RBM33: variants seen among roughly 807,000 people sequenced by gnomAD.
RBM33 encodes the protein RNA-binding protein 33.
In RBM33, 28 loss-of-function variants were observed where a neutral mutation model predicts 132.6. That is an observed-to-expected ratio of 0.21 (90% CI 0.16 to 0.29). RBM33 has a LOEUF of 0.29. RBM33 is among the 10% of genes least tolerant of loss of function. The pLI, the probability that RBM33 is intolerant of heterozygous loss-of-function variation, is 1.00. For missense variants in RBM33, 1,291 were observed against 1,518.5 expected, an observed-to-expected ratio of 0.85 and a Z score of 2.49; for synonymous variants, 634 against 593.0, an observed-to-expected ratio of 1.07 and a Z score of -1.01.
chr7:155,711,946 A>G (rs1030571496), intron 8 of RBM33, among the ~76,000 whole-genome samples: 1 of 152,248 alleles, frequency 6.6e-6, no homozygotes, highest in Non-Finnish European at 1.5e-5. Flanking sequence ...TCAAATTTGT[A>G]AGATTGAGTT....
chr7:155,760,080 TACTTA>T (rs1397351904), intron 14 of RBM33, among the ~76,000 whole-genome samples: 5 of 152,254 alleles, frequency 3.3e-5, no homozygotes, highest in East Asian at 3.8e-4. Context: ...CATTCAGAAC[TACTTA>T]ACTTTAAAAA....
intron 14 of RBM33, among the ~76,000 whole-genome samples, chr7:155,763,500 G>T (rs1423683704): frequency 6.6e-6 from 1 of 152,254 alleles, no homozygotes; most frequent in African/African-American, 2.4e-5. Flanking sequence ...TGTTGGATAT[G>T]AAGTATTTTG....
chr7:155,715,887 T>A (rs1800446292), intron 8 of RBM33, among the ~76,000 whole-genome samples: 1 of 152,220 alleles, frequency 6.6e-6, no homozygotes, highest in Non-Finnish European at 1.5e-5. Context: ...AAGGTGCTTT[T>A]TAAAAAAGCT....
chr7:155,773,568 CAAAAAAAAAAAAAAAAAAA>C (rs201127157), intron 16 of RBM33, among the ~76,000 whole-genome samples: 1 of 50,458 alleles, frequency 2.0e-5, no homozygotes, highest in Admixed American at 2.6e-4. Context: ...ACTCCATCTC[CAAAAAAAAAAAAAAAAAAA>C]AAAAAAAAGG....
At chr7:155,661,097 G>GGTGTGT (rs59345780) in intron 1 of RBM33, among the ~76,000 whole-genome samples, 7 of 110,152 alleles carry the variant, frequency 6.4e-5, no homozygotes, top group East Asian at 2.5e-4. Flanking sequence ...GTGTGTGTGT[G>GGTGTGT]GTGTGTGTGT....
chr7:155,738,078 T>G lies in RBM33; in HGVS notation c.1412T>G (p.Phe471Cys). 6.2e-7 allele frequency: 1 copy of G among 1,613,142 alleles called. No individual in the cohort carries two copies. The highest frequency in any genetic ancestry group is 8.5e-7 in the Non-Finnish European group (1 of 1,179,320). The change falls in exon 11 of 18, where the codon TTC (phenylalanine) becomes TGC (cysteine). Residue 471 changes from phenylalanine (F) to cysteine (C), a missense_variant. Phe to Cys is a radical substitution (Grantham distance 205). Around this residue, in one of 7 missense-constraint regions of RBM33, gnomAD observed 841 missense variants for 912.0 expected, o/e 0.92. Coordinates refer to ENST00000401878, the MANE Select transcript of RBM33 (RefSeq NM_053043.3). ...CTTTCAGTTTCAGGTGAACCAAGAT[T>G]CCCGAGCCATCTTTTTCTGGAACAG... ...FFLGVSGEPR[F>C]PSHLFLEQRS...
Position 155,673,940 on chromosome 7 carries a change from G to GTTGTTGTT in RBM33, c.171+1027_171+1028insGTTGTTTT. ...TCATTATCAAGATAGTTTAGGCTTA[G>GTTGTTGTT]TTTTTTTTTTTTTTTTTTTTTTTTT... On this transcript the variant is annotated intron_variant, in intron 3 of 17. Coordinates refer to ENST00000401878, the MANE Select transcript of RBM33 (RefSeq NM_053043.3). Among the ~76,000 whole-genome samples, 19 of 54,190 alleles carry GTTGTTGTT rather than the reference G, an allele frequency of 3.5e-4. 2 individuals are homozygous for GTTGTTGTT. Among genetic ancestry groups the GTTGTTGTT allele is most frequent in the African/African-American group, 1.2e-3 (14 of 12,126 alleles). The allele number at this position is 54,190 out of a possible 152,430, so 35.6% of individuals were successfully genotyped here. A position where few individuals can be genotyped will look rare whatever the true frequency, so the allele number is the denominator to read the frequency against.
intron 4 of RBM33, among the ~76,000 whole-genome samples, chr7:155,679,308 G>A (rs773676629): frequency 6.6e-6 from 1 of 152,210 alleles, no homozygotes; most frequent in African/African-American, 2.4e-5. Context: ...CTCGGATGGA[G>A]GGCAGTGGCT....
At chr7:155,688,487 G>A (rs1015509501) in intron 5 of RBM33, among the ~76,000 whole-genome samples, 10 of 152,120 alleles carry the variant, frequency 6.6e-5, no homozygotes, top group Non-Finnish European at 1.3e-4. Flanking sequence ...CTGCCTGATT[G>A]CCCTGGCCAG....
At chr7:155,652,564 T>G (rs907803437) in intron 1 of RBM33, among the ~76,000 whole-genome samples, 1 of 152,200 alleles carries the variant, frequency 6.6e-6, no homozygotes, top group Non-Finnish European at 1.5e-5. Flanking sequence ...AGTAAAAGTT[T>G]GTGTTAACTG....
intron 14 of RBM33, among the ~76,000 whole-genome samples, chr7:155,763,119 G>C (rs1428259597): frequency 6.6e-6 from 1 of 152,216 alleles, no homozygotes; most frequent in Non-Finnish European, 1.5e-5. Context: ...TAAGATTCCT[G>C]ATATTTCTAA....
chr7:155,767,007 T>C lies in RBM33; in HGVS notation c.3375+352T>C, dbSNP rs190392060. ...TTTTATTTGTAATAACATTACATTT[T>C]AAAGTATTTAGCCTTCTTTTCCTTG... On this transcript the variant is annotated intron_variant, in intron 16 of 17. Transcript: ENST00000401878. 5 of 258,276 alleles carry C rather than the reference T, an allele frequency of 1.9e-5. No individual in the cohort carries two copies. The East Asian group carries it at 6.3e-4, about 32-fold the overall frequency. 16.0% of individuals were successfully genotyped at this position (258,276 alleles called of 1,614,324 possible).
At chr7:155,729,624 G>C (rs1800894801) in intron 9 of RBM33, among the ~76,000 whole-genome samples, 1 of 151,558 alleles carries the variant, frequency 6.6e-6, no homozygotes, top group Non-Finnish European at 1.5e-5. Context: ...GTAGTCCCGG[G>C]TTCTCTGGAG....
chr7:155,720,491 T>C lies in RBM33; in HGVS notation c.1260+2048T>C, dbSNP rs113363643. Among the ~76,000 whole-genome samples, 621 of 152,302 alleles carry C rather than the reference T, an allele frequency of 4.1e-3. 8 individuals carry two copies. Among genetic ancestry groups the C allele is most frequent in the African/African-American group, 0.014 (597 of 41,552 alleles). On this transcript the variant is annotated intron_variant, in intron 9 of 17. Coordinates refer to ENST00000401878, the MANE Select transcript of RBM33 (RefSeq NM_053043.3). ...GTTTTACTTGTAAGCCAGATCTTCG[T>C]TGAGTAAAGTTATTTTTTTCTTTTT...
At chr7:155,698,322 G>A (rs990312605) in intron 5 of RBM33, among the ~76,000 whole-genome samples, 1 of 152,006 alleles carries the variant, frequency 6.6e-6, no homozygotes, top group Non-Finnish European at 1.5e-5. Context: ...AGCTGAGATC[G>A]CACCACTGCA....
chr7:155,696,970 A>G (rs186923592), intron 5 of RBM33, among the ~76,000 whole-genome samples: 3 of 152,332 alleles, frequency 2.0e-5, no homozygotes, highest in Non-Finnish European at 2.9e-5. Flanking sequence ...AAAGAACACT[A>G]TGGAACCCTT....
intron 8 of RBM33, among the ~76,000 whole-genome samples, chr7:155,717,493 C>A (rs1255509146): frequency 1.5e-5 from 1 of 66,568 alleles, no homozygotes; most frequent in African/African-American, 6.4e-5. Flanking sequence ...TTCTGAGGTA[C>A]GGGGGGTTGG....
chr7:155,722,294 A>G (rs1390837267), intron 9 of RBM33, among the ~76,000 whole-genome samples: 4 of 152,134 alleles, frequency 2.6e-5, no homozygotes, highest in African/African-American at 4.8e-5. Flanking sequence ...CTGGCCTCTT[A>G]ACCATCTACT....
At position 155,745,261 on chromosome 7, in the gene RBM33, G is replaced by T. The variant is rs771449416; in HGVS notation, c.2638G>T (p.Asp880Tyr). The T allele has an allele frequency of 3.1e-6, 5 of 1,612,808 alleles. No individual in the cohort carries two copies. In the South Asian group the frequency reaches 5.5e-5, roughly 18 times the overall value. The change falls in exon 14 of 18, where the codon GAT (aspartate) becomes TAT (tyrosine). Residue 880 changes from aspartate to tyrosine, a missense_variant. By Grantham distance (160) the Asp-to-Tyr change is radical (BLOSUM62 -3). Around this residue, in one of 7 missense-constraint regions of RBM33, gnomAD observed 841 missense variants for 912.0 expected, o/e 0.92. Coordinates refer to ENST00000401878, the MANE Select transcript of RBM33 (RefSeq NM_053043.3). The surrounding 1 kb of genome is among the most constrained non-coding windows in gnomAD (Gnocchi z 4.1). Reference sequence around the variant, plus strand: ...GAACAGACTTCTTGTTAAAAACCAGGATGTCAGTATTTCAAACGTTCAGCC... The same window carrying T: ...GAACAGACTTCTTGTTAAAAACCAGTATGTCAGTATTTCAAACGTTCAGCC... ...VKNRLLVKNQDVSISNVQPKT... is the reference protein window; with the variant it reads ...VKNRLLVKNQYVSISNVQPKT...
Sources: gnomAD v4.1 joint callset for allele counts (sites outside exome capture counted in the v4.1 genomes callset) on GRCh38, gnomAD v4.1.1 for gene constraint, gnomAD v4.1.1 regional missense constraint, Gnocchi (gnomAD v3.1) non-coding constraint, MANE v1.5 for transcripts, NCBI Gene and HGNC (gene_info 2026-07-23, HGNC 2026-07-21) for gene names.